Variants in NDST1 observed in about 807,000 individuals in gnomAD.
NDST1 encodes N-deacetylase and N-sulfotransferase 1, also known as bifunctional heparan sulfate N-deacetylase/N-sulfotransferase 1.
NDST1 carries 35 observed loss-of-function variants against 92.8 expected under a neutral mutation model. The observed-to-expected ratio is 0.38, with a 90% confidence interval of 0.29 to 0.50. The LOEUF is 0.50. Among genes scored for constraint, NDST1 ranks in the 20% least tolerant of loss-of-function variants. NDST1 has a pLI of 0.94. For missense variants in NDST1, 822 were observed against 1,182.7 expected (o/e 0.69, Z 4.47); for synonymous variants, 493 against 500.3 (o/e 0.99, Z 0.19).
chr5:150,541,612 GAGA>G lies in NDST1; in HGVS notation c.1796_1798del (p.Lys599del). The stretch of plus-strand genomic sequence containing the variant: ...ACGTCACAAAGACATCTGGTCCAAG[GAGA>G]AGACGTGTGACCGCTTCCCAAAGCT... On this transcript the variant is annotated inframe_deletion, in exon 9 of 15. Transcript: ENST00000261797. 6.2e-7 allele frequency: 1 copy of G among 1,614,166 alleles called. No homozygotes were observed. The highest frequency in any genetic ancestry group is 8.5e-7 in the Non-Finnish European group (1 of 1,180,030).
chr5:150,506,663 C>T (rs776657411), upstream of NDST1, among the ~76,000 whole-genome samples: 1 of 152,174 alleles, frequency 6.6e-6, no homozygotes, highest in Non-Finnish European at 1.5e-5. Flanking sequence ...CTAGAGAAAG[C>T]CGGGCCCACT....
At chr5:150,504,687 G>A (rs1291337794), upstream of NDST1, among the ~76,000 whole-genome samples, 1 of 152,162 alleles carries the variant, frequency 6.6e-6, no homozygotes, top group Non-Finnish European at 1.5e-5. Context: ...TGGTGACCTT[G>A]GGCATGATAC....
chr5:150,502,071 C>T (rs919970839), intron 1 of NDST1, among the ~76,000 whole-genome samples: 1 of 152,138 alleles, frequency 6.6e-6, no homozygotes, highest in Non-Finnish European at 1.5e-5. Flanking sequence ...ACAGGTAGGG[C>T]CTCTTGGCCA....
rs1259165803 is a variant in NDST1 at position 150,556,017 on chromosome 5, AG to A, written c.*2687del. The stretch of plus-strand genomic sequence containing the variant: ...TTGCAGGTATGGGGGGTAGAAGGAG[AG>A]GCAGATAAGCTGCCTGGGGGGCTGT... On this transcript the variant is annotated 3_prime_UTR_variant, in exon 15 of 15. Coordinates refer to ENST00000261797, the MANE Select transcript of NDST1 (RefSeq NM_001543.5). The A allele has an allele frequency of 6.6e-6, 1 of 152,318 alleles. No individual in the cohort carries two copies. The highest frequency in any genetic ancestry group is 2.4e-5 in the African/African-American group (1 of 41,432). The allele number at this position is 152,318 out of a possible 1,614,324, so 9.4% of individuals were successfully genotyped here.
chr5:150,553,193 A>T lies in NDST1; in HGVS notation c.2530-20A>T, dbSNP rs767724826. ...CTCTTAAGTCAGTACACAAGGTCTG[A>T]GCTTTCCTTCCCGTTACAGTCCCGA... On this transcript the variant is annotated intron_variant, in intron 14 of 14. Transcript: ENST00000261797. The surrounding 1 kb of genome is among the most constrained non-coding windows in gnomAD (Gnocchi z 4.2). 6.2e-7 allele frequency: 1 copy of T among 1,610,718 alleles called. No homozygotes were observed. The highest frequency in any genetic ancestry group is 1.1e-5 in the South Asian group (1 of 90,986).
chr5:150,513,304 A>AGAG (rs1753808711), intron 1 of NDST1, among the ~76,000 whole-genome samples: 1 of 151,818 alleles, frequency 6.6e-6, no homozygotes, highest in East Asian at 1.9e-4. Flanking sequence ...CAGCCTGGGC[A>AGAG]ACATGGCGAA....
intron 11 of NDST1, 150 bp from the exon 12 acceptor site, chr5:150,548,068 G>A (rs1045910324): frequency 4.8e-5 from 41 of 861,588 alleles, no homozygotes; most frequent in Non-Finnish European, 7.3e-5. Flanking sequence ...CCTTGACACT[G>A]GACACAGTGA....
Position 150,516,918 on chromosome 5 carries a change from G to T in NDST1, c.-387-3950G>T, listed in dbSNP as rs149765182. Among the ~76,000 whole-genome samples the T allele has an allele frequency of 6.3e-3, 955 of 151,718 alleles. 39 individuals carry two copies. In the East Asian group the frequency reaches 0.094, roughly 15 times the overall value. On this transcript the variant is annotated intron_variant, in intron 1 of 14. Transcript: ENST00000261797. ...TGACCTTAAGTGATCTGCCCACCTC[G>T]GCCTCCCAAAGTGCTGGGATGACAG... is the stretch of plus-strand genomic sequence containing the variant.
intron 1 of NDST1, among the ~76,000 whole-genome samples, chr5:150,502,104 G>A (rs1753257735): frequency 6.6e-6 from 1 of 152,218 alleles, no homozygotes; most frequent in African/African-American, 2.4e-5. Flanking sequence ...TGTTGTTTGA[G>A]TCTGAGTGGA....
intron 4 of NDST1, among the ~76,000 whole-genome samples, chr5:150,534,167 G>A (rs1200193910): frequency 6.7e-6 from 1 of 149,568 alleles, no homozygotes; most frequent in East Asian, 2.1e-4. Flanking sequence ...TGCAATCACA[G>A]CTTACTGCAG....
intron 7 of NDST1, 70 bp from the exon 8 acceptor site, chr5:150,540,012 T>A: frequency 6.3e-7 from 1 of 1,582,612 alleles, no homozygotes; most frequent in Non-Finnish European, 8.7e-7. Flanking sequence ...GTCAGAAGGG[T>A]CAGAGTTGGC....
intron 2 of NDST1, among the ~76,000 whole-genome samples, chr5:150,525,522 G>A (rs1207722957): frequency 6.6e-6 from 1 of 152,186 alleles, no homozygotes; most frequent in Non-Finnish European, 1.5e-5. Flanking sequence ...GCCTGGAGTT[G>A]GGGAGGTAGC....
At chr5:150,501,878 G>T (rs1215486771) in intron 1 of NDST1, among the ~76,000 whole-genome samples, 1 of 152,204 alleles carries the variant, frequency 6.6e-6, no homozygotes, top group Admixed American at 6.5e-5. Context: ...CAGGTGGTCA[G>T]GATGGTCCCT....
chr5:150,553,590 C>T lies in NDST1; in HGVS notation c.*258C>T. ...CCGTTCCCAGCTGCTCCTGGGGAGG[C>T]CGCTTCCTGGTAGGAGGGAGTCCAC... On this transcript the variant is annotated 3_prime_UTR_variant, in exon 15 of 15. Coordinates refer to ENST00000261797, the MANE Select transcript of NDST1 (RefSeq NM_001543.5). The surrounding 1 kb of genome is among the most constrained non-coding windows in gnomAD (Gnocchi z 4.2). 1 of 483,174 alleles carries T rather than the reference C, an allele frequency of 2.1e-6. No individual in the cohort carries two copies. The highest frequency in any genetic ancestry group is 1.9e-5 in the South Asian group (1 of 51,734). The allele number at this position is 483,174 out of a possible 1,614,324, so 29.9% of individuals were successfully genotyped here. A position where few individuals can be genotyped will look rare whatever the true frequency, so the allele number is the denominator to read the frequency against.
At chr5:150,520,824 T>G in intron 1 of NDST1, 44 bp from the exon 2 acceptor site, 2 of 409,540 alleles carry the variant, frequency 4.9e-6, no homozygotes, top group Non-Finnish European at 8.6e-6. Context: ...AGCTGAACCC[T>G]GAAGCCCGCA....
At chr5:150,523,255 T>C (rs1242547170) in intron 2 of NDST1, among the ~76,000 whole-genome samples, 1 of 152,246 alleles carries the variant, frequency 6.6e-6, no homozygotes, top group Non-Finnish European at 1.5e-5. Flanking sequence ...GGCTTTACAA[T>C]GACATCAAGT....
At chr5:150,519,899 G>T (rs1041193133) in intron 1 of NDST1, among the ~76,000 whole-genome samples, 1 of 152,100 alleles carries the variant, frequency 6.6e-6, no homozygotes, top group African/African-American at 2.4e-5. Context: ...GGTGCAGGCG[G>T]TGCGGGGGGT....
At chr5:150,525,793 C>T (rs1048887659) in intron 2 of NDST1, among the ~76,000 whole-genome samples, 2 of 152,158 alleles carry the variant, frequency 1.3e-5, no homozygotes, top group Non-Finnish European at 2.9e-5. Context: ...GTGTGTGCTC[C>T]CTGAGCAGCT....
intron 1 of NDST1, among the ~76,000 whole-genome samples, chr5:150,514,124 T>C (rs1325462900): frequency 6.6e-6 from 1 of 152,232 alleles, no homozygotes; most frequent in African/African-American, 2.4e-5. Flanking sequence ...GCTCTGGAGT[T>C]ATCTCCCACC....
Sources: gnomAD v4.1 joint callset for allele counts (sites outside exome capture counted in the v4.1 genomes callset) on GRCh38, gnomAD v4.1.1 for gene constraint, Gnocchi (gnomAD v3.1) non-coding constraint, MANE v1.5 for transcripts, NCBI Gene and HGNC (gene_info 2026-07-23, HGNC 2026-07-21) for gene names.